The following BICC1 variants were observed in gnomAD, a reference collection of about 807,000 sequenced individuals.
BICC1 encodes protein bicaudal C homolog 1.
A neutral mutation model predicts 111.0 loss-of-function variants in BICC1; 43 were observed. That is an observed-to-expected ratio of 0.39 (90% confidence interval 0.30 to 0.50). The LOEUF is 0.50. BICC1 is among the 20% of genes least tolerant of loss of function. The pLI, the probability that BICC1 is intolerant of heterozygous loss-of-function variation, is 0.88. For missense variants in BICC1, 1,091 were observed against 1,203.2 expected (o/e 0.91, Z 1.38); for synonymous variants, 467 against 434.4 (o/e 1.07, Z -0.93).
At chr10:58,726,269 G>T (rs1346682322) in intron 3 of BICC1, among the ~76,000 whole-genome samples, 1 of 152,100 alleles carries the variant, frequency 6.6e-6, no homozygotes. Flanking sequence ...AATAATAATA[G>T]TGAAAATTAC....
chr10:58,712,227 A>G (rs769913659), intron 3 of BICC1, among the ~76,000 whole-genome samples: 6 of 152,230 alleles, frequency 3.9e-5, no homozygotes, highest in Non-Finnish European at 8.8e-5. Flanking sequence ...GTGGAGCCAT[A>G]GGAACTCTCA....
At chr10:58,583,218 A>G (rs368440641) in intron 1 of BICC1, among the ~76,000 whole-genome samples, 5 of 152,254 alleles carry the variant, frequency 3.3e-5, no homozygotes, top group African/African-American at 1.2e-4. Context: ...CTGCCAAGGT[A>G]GATTTCTTAA....
intron 3 of BICC1, among the ~76,000 whole-genome samples, chr10:58,729,846 A>G (rs1841232636): frequency 6.6e-6 from 1 of 152,096 alleles, no homozygotes; most frequent in African/African-American, 2.4e-5. Flanking sequence ...TGAAGAATCC[A>G]CCCAATGGTC....
At chr10:58,614,639 C>T (rs1447988419) in intron 1 of BICC1, among the ~76,000 whole-genome samples, 1 of 152,008 alleles carries the variant, frequency 6.6e-6, no homozygotes, top group Non-Finnish European at 1.5e-5. Context: ...CTTAGGAAAT[C>T]TTTCCCTTTT....
At chr10:58,674,572 T>G (rs1839282446) in intron 2 of BICC1, among the ~76,000 whole-genome samples, 1 of 152,156 alleles carries the variant, frequency 6.6e-6, no homozygotes, top group Non-Finnish European at 1.5e-5. Context: ...GATGCATGAT[T>G]GTACAAAAGG....
chr10:58,580,883 A>G (rs1267920006), intron 1 of BICC1, among the ~76,000 whole-genome samples: 1 of 152,208 alleles, frequency 6.6e-6, no homozygotes, highest in East Asian at 1.9e-4. Context: ...AGTAAATTTT[A>G]AAGTCTCCTT....
chr10:58,611,052 T>C (rs2132106208), intron 1 of BICC1, among the ~76,000 whole-genome samples: 1 of 152,364 alleles, frequency 6.6e-6, no homozygotes. Flanking sequence ...TCATTGTGTC[T>C]CCTTAGGCAG....
At chr10:58,615,081 C>T (rs777441521) in intron 1 of BICC1, among the ~76,000 whole-genome samples, 1 of 151,750 alleles carries the variant, frequency 6.6e-6, no homozygotes, top group Non-Finnish European at 1.5e-5. Context: ...TAAGTGCCCC[C>T]CCGAGACACT....
At chr10:58,615,960 A>G (rs760261694) in intron 1 of BICC1, among the ~76,000 whole-genome samples, 2 of 152,132 alleles carry the variant, frequency 1.3e-5, no homozygotes, top group Non-Finnish European at 2.9e-5. Context: ...TGAAAAGTAC[A>G]CACCCAGTCC....
chr10:58,736,031 G>A (rs572010925), intron 3 of BICC1, among the ~76,000 whole-genome samples: 6 of 152,140 alleles, frequency 3.9e-5, no homozygotes, highest in Non-Finnish European at 8.8e-5. Flanking sequence ...TACCTACGAA[G>A]CATCACTGCC....
At chr10:58,714,495 T>A (rs1840675112) in intron 3 of BICC1, among the ~76,000 whole-genome samples, 1 of 152,202 alleles carries the variant, frequency 6.6e-6, no homozygotes, top group African/African-American at 2.4e-5. Flanking sequence ...TGTTTCACGT[T>A]ATGCCTTTGT....
At chr10:58,512,569 AGT>A (rs1400757623), upstream of BICC1, among the ~76,000 whole-genome samples, 2 of 151,848 alleles carry the variant, frequency 1.3e-5, no homozygotes, top group Non-Finnish European at 2.9e-5. Flanking sequence ...GAAAAGTAGT[AGT>A]GTGTGTGATG....
At chr10:58,634,283 C>T (rs907787825) in intron 2 of BICC1, among the ~76,000 whole-genome samples, 4 of 152,110 alleles carry the variant, frequency 2.6e-5, no homozygotes, top group African/African-American at 4.8e-5. Flanking sequence ...TGAGCCACCA[C>T]GCCTGGCCTA....
intron 1 of BICC1, among the ~76,000 whole-genome samples, chr10:58,555,627 G>T (rs1284960439): frequency 1.3e-5 from 2 of 152,114 alleles, no homozygotes; most frequent in Non-Finnish European, 2.9e-5. Context: ...TTCAGTGAGT[G>T]CTTGAAAAAT....
At chr10:58,745,610 C>CT (rs1841812736) in intron 3 of BICC1, among the ~76,000 whole-genome samples, 1 of 132,118 alleles carries the variant, frequency 7.6e-6, no homozygotes, top group Non-Finnish European at 1.6e-5. Flanking sequence ...CCGCCCCCCC[C>CT]CCACATTTTT....
At chr10:58,606,837 T>C (rs1427454657) in intron 1 of BICC1, among the ~76,000 whole-genome samples, 3 of 152,234 alleles carry the variant, frequency 2.0e-5, no homozygotes, top group African/African-American at 7.2e-5. Context: ...AGTATATTTC[T>C]TTGATTAAAA....
intron 3 of BICC1, among the ~76,000 whole-genome samples, chr10:58,712,626 T>A (rs1259461359): frequency 1.3e-5 from 2 of 152,222 alleles, no homozygotes; most frequent in South Asian, 4.1e-4. Flanking sequence ...TACTTTATGA[T>A]TTCAACTCTA....
At chr10:58,622,401 A>T (rs1845847327) in intron 2 of BICC1, among the ~76,000 whole-genome samples, 1 of 152,344 alleles carries the variant, frequency 6.6e-6, no homozygotes, top group South Asian at 2.1e-4. Context: ...AAGGACTTTC[A>T]TTCTTAGATT....
chr10:58,636,074 A>G (rs117345913), intron 2 of BICC1, among the ~76,000 whole-genome samples: 3,003 of 152,268 alleles, frequency 0.02, 41 homozygotes, highest in Non-Finnish European at 0.028. Context: ...GAGACACTCA[A>G]ATGTTTTGGG....
Sources: gnomAD v4.1 joint callset for allele counts (sites outside exome capture counted in the v4.1 genomes callset) on GRCh38, gnomAD v4.1.1 for gene constraint, MANE v1.5 for transcripts, NCBI Gene and HGNC (gene_info 2026-07-23, HGNC 2026-07-21) for gene names.